USP7: variants seen among roughly 807,000 people sequenced by gnomAD.
USP7 encodes the protein ubiquitin specific peptidase 7.
Under a neutral mutation model 162.9 loss-of-function variants are expected in USP7, and 9 were observed. That is an observed-to-expected ratio of 0.06 (90% CI 0.03 to 0.10). The LOEUF is 0.10. Among genes scored for constraint, USP7 ranks in the 10% least tolerant of loss-of-function variants. The pLI, the probability that USP7 is intolerant of heterozygous loss-of-function variation, is 1.00. For missense variants in USP7, 715 were observed against 1,373.7 expected, an observed-to-expected ratio of 0.52 and a Z score of 7.58; for synonymous variants, 562 against 475.9, an observed-to-expected ratio of 1.18 and a Z score of -2.35.
chr16:8,961,108 A>G (rs536516227), intron 1 of USP7, among the ~76,000 whole-genome samples: 1 of 152,368 alleles, frequency 6.6e-6, no homozygotes, highest in Admixed American at 6.5e-5. Flanking sequence ...ATATGAAAAT[A>G]AAGCTTCATT....
At chr16:8,952,048 G>C (rs1233524662) in intron 1 of USP7, among the ~76,000 whole-genome samples, 1 of 148,310 alleles carries the variant, frequency 6.7e-6, no homozygotes, top group Non-Finnish European at 1.5e-5. Context: ...ATGGATGAAA[G>C]CAGGAGGGTG....
chr16:8,892,443 GGCAAGGCCGATGGGACGGT>G lies in USP7; in HGVS notation c.*1536_*1554del, dbSNP rs1358974368. The G allele has an allele frequency of 6.6e-6, 1 of 152,254 alleles. No homozygotes were observed. Among genetic ancestry groups the G allele is most frequent in the Non-Finnish European group, 1.5e-5 (1 of 68,054 alleles). The allele number at this position is 152,254 out of a possible 1,614,324, so 9.4% of individuals were successfully genotyped here. A position where few individuals can be genotyped will look rare whatever the true frequency, so the allele number is the denominator to read the frequency against. ...AGGAAACCGTGCCACGGAGCTGGAA[GGCAAGGCCGATGGGACGGT>G]GCAAGGACCACGCCCACGATAGCGC... On this transcript the variant is annotated 3_prime_UTR_variant, in exon 31 of 31. Coordinates refer to ENST00000344836, the MANE Select transcript of USP7 (RefSeq NM_003470.3).
At chr16:8,895,544 C>T (rs1206479338) in intron 27 of USP7, 98 bp downstream of exon 27, 3 of 1,045,836 alleles carry the variant, frequency 2.9e-6, no homozygotes, top group Non-Finnish European at 4.4e-6. Flanking sequence ...TATAAAAACA[C>T]AAATCAAGCT....
At chr16:8,961,504 A>T (rs200102977) in intron 1 of USP7, among the ~76,000 whole-genome samples, 1 of 60,570 alleles carries the variant, frequency 1.7e-5, no homozygotes. Flanking sequence ...AAAAAAAAAA[A>T]GGGGGGGGGG....
Position 8,902,174 on chromosome 16 carries a change from C to T in USP7, c.1955G>A (p.Ser652Asn), listed in dbSNP as rs775237317. 1 of 1,614,160 alleles carries T rather than the reference C, an allele frequency of 6.2e-7. No individual in the cohort carries two copies. Among genetic ancestry groups the T allele is most frequent in the Non-Finnish European group, 8.5e-7 (1 of 1,180,034 alleles). The change falls in exon 18 of 31, where the codon AGT becomes AAT. Residue 652 changes from serine (S) to asparagine (N), a missense_variant. Coordinates refer to ENST00000344836, the MANE Select transcript of USP7 (RefSeq NM_003470.3). The part of the protein sequence containing the change: ...ADGNKTMIEL[S>N]DNENPWTIFL... ...TATTGTCCAAGGGTTTTCATTATCACTGAGCTCAATCATCTATTTCCAAAA... is the reference window on the plus strand; with the variant it reads ...TATTGTCCAAGGGTTTTCATTATCATTGAGCTCAATCATCTATTTCCAAAA...
chr16:8,945,161 T>C (rs1046866407), intron 1 of USP7, among the ~76,000 whole-genome samples: 5 of 151,388 alleles, frequency 3.3e-5, no homozygotes, highest in Non-Finnish European at 2.9e-5. Context: ...GAGGTGGAGG[T>C]TGTAGTGAGC....
intron 3 of USP7, among the ~76,000 whole-genome samples, chr16:8,921,844 C>G (rs1567225947): frequency 6.6e-6 from 1 of 152,202 alleles, no homozygotes; most frequent in East Asian, 1.9e-4. Flanking sequence ...GCCTCTAGAT[C>G]CAGGTTCAAA....
At position 8,963,385 on chromosome 16, in the gene USP7, C is replaced by A; in HGVS notation, c.-100G>T. 1 of 228,146 alleles carries A rather than the reference C, an allele frequency of 4.4e-6. No homozygotes were observed. The highest frequency in any genetic ancestry group is 7.0e-6 in the Non-Finnish European group (1 of 142,914). The allele number at this position is 228,146 out of a possible 1,614,324, so 14.1% of individuals were successfully genotyped here. A position where few individuals can be genotyped will look rare whatever the true frequency, so the allele number is the denominator to read the frequency against. ...GGGGCGGCGGCGGCGGCGGCGGCGG[C>A]GGGGCGGCCTCCTCCTCCTCCTCCC... On this transcript the variant is annotated 5_prime_UTR_variant, in exon 1 of 31. Coordinates refer to ENST00000344836, the MANE Select transcript of USP7 (RefSeq NM_003470.3).
chr16:8,946,686 G>A (rs1194280520), intron 1 of USP7, among the ~76,000 whole-genome samples: 1 of 152,096 alleles, frequency 6.6e-6, no homozygotes, highest in Non-Finnish European at 1.5e-5. Flanking sequence ...CTGGTCACTG[G>A]CCTATACCCC....
At chr16:8,894,496 C>G in intron 30 of USP7, 54 bp downstream of exon 30, 1 of 1,581,964 alleles carries the variant, frequency 6.3e-7, no homozygotes, top group Non-Finnish European at 8.6e-7. Context: ...CCCCAGACCA[C>G]TTGTTTCTTA....
At chr16:8,912,649 G>C (rs1002790148) in intron 10 of USP7, among the ~76,000 whole-genome samples, 1 of 151,360 alleles carries the variant, frequency 6.6e-6, no homozygotes, top group Non-Finnish European at 1.5e-5. Flanking sequence ...ACTAAGAAGA[G>C]ACACAGGGCT....
At chr16:8,908,062 G>GC (rs1298792531) in intron 12 of USP7, among the ~76,000 whole-genome samples, 1 of 152,172 alleles carries the variant, frequency 6.6e-6, no homozygotes, top group Admixed American at 6.5e-5. Context: ...AGCAGAAACA[G>GC]CCCCATCCTT....
intron 1 of USP7, among the ~76,000 whole-genome samples, chr16:8,961,675 A>T (rs1900021722): frequency 6.6e-6 from 1 of 152,178 alleles, no homozygotes; most frequent in Non-Finnish European, 1.5e-5. Context: ...TGCTCGTGTT[A>T]TTGGATATTT....
chr16:8,918,980 G>A, intron 6 of USP7, 51 bp downstream of exon 6: 3 of 1,587,612 alleles, frequency 1.9e-6, no homozygotes, highest in Non-Finnish European at 2.6e-6. Context: ...TGATATACCT[G>A]AGAAGAAAGG....
chr16:8,934,321 A>T (rs1454047113), intron 1 of USP7, among the ~76,000 whole-genome samples: 1 of 152,210 alleles, frequency 6.6e-6, no homozygotes, highest in Non-Finnish European at 1.5e-5. Context: ...ATGCAGTGAA[A>T]TCAGACTGAG....
chr16:8,918,804 A>C (rs1897518617), intron 6 of USP7, among the ~76,000 whole-genome samples: 1 of 152,164 alleles, frequency 6.6e-6, no homozygotes, highest in African/African-American at 2.4e-5. Context: ...GCAAGACTCC[A>C]TCTCAATAAA....
intron 10 of USP7, among the ~76,000 whole-genome samples, chr16:8,912,176 G>A (rs940561233): frequency 2.0e-5 from 3 of 152,196 alleles, no homozygotes; most frequent in Non-Finnish European, 4.4e-5. Flanking sequence ...CAGTGCAGTG[G>A]CTCAGTGGCT....
chr16:8,915,676 A>G, intron 8 of USP7, 151 bp from the exon 9 acceptor site: 1 of 726,652 alleles, frequency 1.4e-6, no homozygotes, highest in Non-Finnish European at 2.2e-6. Flanking sequence ...AACATACAAA[A>G]TCTTCTTTCT....
At chr16:8,961,957 C>T (rs1187000895) in intron 1 of USP7, among the ~76,000 whole-genome samples, 1 of 152,198 alleles carries the variant, frequency 6.6e-6, no homozygotes, top group Non-Finnish European at 1.5e-5. Context: ...GTGCCTACTG[C>T]AGAATCCCAG....
Sources: allele counts gnomAD v4.1 joint callset (sites outside exome capture counted in the v4.1 genomes callset), GRCh38; gene constraint gnomAD v4.1.1; transcripts MANE v1.5; gene names NCBI Gene and HGNC (gene_info 2026-07-23, HGNC 2026-07-21).